USH2A: variants seen among roughly 807,000 people sequenced by gnomAD.
USH2A encodes usherin, also known as Usher syndrome 2A (autosomal recessive, mild).
Under a neutral mutation model 538.9 loss-of-function variants are expected in USH2A, and 443 were observed. The ratio of observed to expected loss-of-function variants is 0.82; its 90% CI spans 0.76 to 0.89. USH2A has a LOEUF of 0.89. USH2A is among the 40% of genes least tolerant of loss of function. USH2A has a pLI of 0.00. For missense variants in USH2A, 6,633 were observed against 6,324.8 expected (o/e 1.05, Z -1.65); for synonymous variants, 2,413 against 2,273.5 (o/e 1.06, Z -1.75).
Position 215,844,512 on chromosome 1 carries a change from G to T in USH2A, c.9056-16C>A, listed in dbSNP as rs915790630. The T allele has an allele frequency of 4.9e-5, 78 of 1,604,088 alleles. No individual in the cohort carries two copies. Among genetic ancestry groups the T allele is most frequent in the Non-Finnish European group, 6.6e-5 (78 of 1,179,346 alleles). ...CCCTGAGGCTCTAGAATTAAAGGAA[G>T]AAACTGAATAAACTCCAGCTGTCTC... On this transcript the variant is annotated splice_polypyrimidine_tract_variant and intron_variant, in intron 45 of 71. Coordinates refer to ENST00000307340, the MANE Select transcript of USH2A (RefSeq NM_206933.4).
intron 11 of USH2A, among the ~76,000 whole-genome samples, chr1:216,281,959 A>G (rs961713800): frequency 7.2e-6 from 1 of 139,348 alleles, no homozygotes; most frequent in African/African-American, 2.7e-5. Context: ...CCTGATGACT[A>G]ATGTCAAAAA....
At chr1:216,057,701 A>T (rs538091611) in intron 30 of USH2A, among the ~76,000 whole-genome samples, 5 of 152,070 alleles carry the variant, frequency 3.3e-5, no homozygotes, top group Non-Finnish European at 7.4e-5. Flanking sequence ...TAAAAAAAAA[A>T]GTTCGTAATA....
chr1:215,682,034 A>G (rs1300910449), intron 61 of USH2A, among the ~76,000 whole-genome samples: 7 of 152,238 alleles, frequency 4.6e-5, no homozygotes, highest in Non-Finnish European at 1.0e-4. Context: ...AGATAAATAT[A>G]GCACAGAACT....
intron 37 of USH2A, 118 bp from the exon 38 acceptor site, chr1:215,934,913 C>A (rs918817890): frequency 1.0e-6 from 1 of 960,410 alleles, no homozygotes; most frequent in African/African-American, 1.7e-5. Context: ...GTAACTTTAC[C>A]ACTCTAAGAG....
intron 21 of USH2A, among the ~76,000 whole-genome samples, chr1:216,117,490 T>G (rs1219720229): frequency 6.6e-6 from 1 of 152,126 alleles, no homozygotes. Context: ...TTAACAGATC[T>G]GCATGGTAAC....
Position 216,269,112 on chromosome 1 carries a change from T to A in USH2A, c.1972-18014A>T, listed in dbSNP as rs114217135. On this transcript the variant is annotated intron_variant, in intron 11 of 71. Transcript: ENST00000307340. ...GAATTTAAACCTTAGAAAGATCAAA[T>A]TACTTATTAAAGGTGGTGCAGTTAC... Among the ~76,000 whole-genome samples the A allele has an allele frequency of 4.8e-3, 733 of 152,208 alleles. 6 individuals are homozygous for A. The highest frequency in any genetic ancestry group is 0.017 in the African/African-American group (704 of 41,560).
intron 40 of USH2A, among the ~76,000 whole-genome samples, chr1:215,894,524 G>T (rs12409714): frequency 6.6e-6 from 1 of 151,960 alleles, no homozygotes; most frequent in Non-Finnish European, 1.5e-5. Flanking sequence ...CAGGTTGTGA[G>T]AATAAAAACA....
chr1:215,811,401 T>C (rs935069086), intron 49 of USH2A, among the ~76,000 whole-genome samples: 1 of 152,254 alleles, frequency 6.6e-6, no homozygotes, highest in Non-Finnish European at 1.5e-5. Flanking sequence ...TTTCACACTC[T>C]TTATTCTGAG....
At chr1:216,096,949 C>A in intron 22 of USH2A, 134 bp downstream of exon 22, 2 of 974,196 alleles carry the variant, frequency 2.1e-6, no homozygotes, top group Admixed American at 2.7e-5. Context: ...TCTTGATTGG[C>A]AAAATGGGGA....
At chr1:216,180,162 A>G (rs866663086) in intron 20 of USH2A, among the ~76,000 whole-genome samples, 8 of 152,148 alleles carry the variant, frequency 5.3e-5, no homozygotes, top group Non-Finnish European at 2.9e-5. Flanking sequence ...AAGGAATACA[A>G]TTCATCTATA....
intron 30 of USH2A, among the ~76,000 whole-genome samples, chr1:216,069,148 T>C (rs915357559): frequency 2.0e-5 from 3 of 152,202 alleles, no homozygotes; most frequent in Admixed American, 6.5e-5. Flanking sequence ...TTCCAGCCCA[T>C]GTAGCTGCCA....
At chr1:215,737,919 A>G (rs544420572) in intron 60 of USH2A, among the ~76,000 whole-genome samples, 60 of 152,164 alleles carry the variant, frequency 3.9e-4, no homozygotes, top group Admixed American at 7.2e-4. Context: ...CTAAATACTC[A>G]GAAGGAAGTG....
rs763565842 is a variant in USH2A at position 216,199,763 on chromosome 1, G to A, written c.3675C>T (p.Ser1225=). 3.7e-5 allele frequency: 59 copies of A among 1,613,962 alleles called. No individual in the cohort carries two copies. The highest frequency in any genetic ancestry group is 1.6e-4 in the Middle Eastern group (1 of 6,080). ...TGGGCAAGCTGTGTAAACAGCCCCCGCTAGTACACGCCTGTACAGAAAAAT... is the reference window on the plus strand; with the variant it reads ...TGGGCAAGCTGTGTAAACAGCCCCCACTAGTACACGCCTGTACAGAAAAAT... The part of the protein sequence containing the change: ...KYDFSVQACT[S]GGCLHSLPIT... Residue 1225 remains serine, a synonymous_variant, in exon 17 of 72, where the codon AGC becomes AGT. Coordinates refer to ENST00000307340, the MANE Select transcript of USH2A (RefSeq NM_206933.4).
intron 13 of USH2A, among the ~76,000 whole-genome samples, chr1:216,243,506 C>T (rs1390639905): frequency 1.3e-5 from 2 of 152,156 alleles, no homozygotes; most frequent in Non-Finnish European, 2.9e-5. Flanking sequence ...GATAGAGCAT[C>T]TATTTGCCAG....
Position 216,279,457 on chromosome 1 carries a change from G to A in USH2A, c.1971+9823C>T, listed in dbSNP as rs2036731499. Among the ~76,000 whole-genome samples, 3 of 152,024 alleles carry A rather than the reference G, an allele frequency of 2.0e-5. No individual in the cohort carries two copies. In the South Asian group the frequency reaches 6.2e-4, roughly 32 times the overall value. ...ACTCCCCTACCCCCATCTACATTCA[G>A]CTTCTTTGGTCTACATATCTTTGAT... On this transcript the variant is annotated intron_variant, in intron 11 of 71. Transcript: ENST00000307340.
intron 14 of USH2A, among the ~76,000 whole-genome samples, chr1:216,223,926 C>A (rs1181508904): frequency 1.3e-5 from 2 of 152,132 alleles, no homozygotes; most frequent in Non-Finnish European, 2.9e-5. Flanking sequence ...AGAACATTTG[C>A]AGTAAAACCA....
At chr1:216,033,221 G>A (rs73094506) in intron 32 of USH2A, among the ~76,000 whole-genome samples, 2,624 of 152,280 alleles carry the variant, frequency 0.017, 62 homozygotes, top group African/African-American at 0.059. Flanking sequence ...AACTTTGTAT[G>A]CACTCAATGC....
At chr1:215,670,603 T>C (rs966457467) in intron 64 of USH2A, among the ~76,000 whole-genome samples, 3 of 152,172 alleles carry the variant, frequency 2.0e-5, no homozygotes, top group Non-Finnish European at 1.5e-5. Flanking sequence ...TGCTATTTGA[T>C]TTTATTTTGG....
At chr1:216,031,849 T>G (rs1387912993) in intron 32 of USH2A, among the ~76,000 whole-genome samples, 1 of 152,196 alleles carries the variant, frequency 6.6e-6, no homozygotes, top group Non-Finnish European at 1.5e-5. Flanking sequence ...TGCGCATTAA[T>G]AGTTCTGTGT....
Sources: allele counts gnomAD v4.1 joint callset (sites outside exome capture counted in the v4.1 genomes callset), GRCh38; gene constraint gnomAD v4.1.1; transcripts MANE v1.5; gene names NCBI Gene and HGNC (gene_info 2026-07-23, HGNC 2026-07-21).